The following CALD1 variants were observed in gnomAD, a reference collection of about 807,000 sequenced individuals.
CALD1 encodes the protein caldesmon 1, also known as caldesmon.
Under a neutral mutation model 99.9 loss-of-function variants are expected in CALD1, and 33 were observed. The ratio of observed to expected loss-of-function variants is 0.33; its 90% CI spans 0.25 to 0.44. The LOEUF (loss-of-function observed/expected upper bound fraction) is 0.44. Ranked by LOEUF, CALD1 falls within the 20% of genes least tolerant of loss-of-function variation. The probability of loss-of-function intolerance (pLI) is 1.00; values close to 1 mark genes in which losing one functional copy is unlikely to be tolerated. For synonymous variants in CALD1, 310 were observed against 325.0 expected (o/e 0.95, Z 0.50); for missense variants, 861 against 962.1 (o/e 0.89, Z 1.39).
chr7:134,777,477 T>C (rs1425785158), upstream of CALD1, among the ~76,000 whole-genome samples: 1 of 152,324 alleles, frequency 6.6e-6, no homozygotes, highest in Non-Finnish European at 1.5e-5. Context: ...GTGTTTCCTG[T>C]TGATAATATT....
At chr7:134,712,382 G>C in the CALD1 span, among the ~76,000 whole-genome samples, 1 of 152,116 alleles carries the variant, frequency 6.6e-6, no homozygotes, top group African/African-American at 2.4e-5. Flanking sequence ...GGAGAGATGG[G>C]ACCCGGAAGA....
intron 6 of CALD1, 78 bp from the exon 7 acceptor site, chr7:134,941,014 G>C: frequency 8.1e-7 from 1 of 1,227,484 alleles, no homozygotes; most frequent in Non-Finnish European, 1.1e-6. Flanking sequence ...ACAATTTTGG[G>C]TCTTACTTGA....
the CALD1 span, among the ~76,000 whole-genome samples, chr7:134,711,654 CTCTCTCTATATA>C: frequency 1.6e-4 from 11 of 68,106 alleles, 1 homozygote; most frequent in Non-Finnish European, 2.2e-4. Flanking sequence ...CTCTCTCTCT[CTCTCTCTATATA>C]TATATATATA....
chr7:134,872,105 C>T (rs768043615), intron 3 of CALD1, among the ~76,000 whole-genome samples: 4 of 152,190 alleles, frequency 2.6e-5, no homozygotes, highest in Non-Finnish European at 5.9e-5. Flanking sequence ...CAGTGGCTCA[C>T]GCCTGTAATC....
At chr7:134,770,047 T>C (rs1446475629) in intron 1 of CALD1, among the ~76,000 whole-genome samples, 1 of 152,228 alleles carries the variant, frequency 6.6e-6, no homozygotes, top group Non-Finnish European at 1.5e-5. Flanking sequence ...TATTTCTTGA[T>C]GTAACCAAAT....
chr7:134,857,288 C>G (rs1019914794), intron 2 of CALD1, among the ~76,000 whole-genome samples: 1 of 151,306 alleles, frequency 6.6e-6, no homozygotes, highest in Non-Finnish European at 1.5e-5. Context: ...CCTGCCTCAG[C>G]CTCTCCGAGT....
intron 2 of CALD1, among the ~76,000 whole-genome samples, chr7:134,857,386 C>T (rs970664585): frequency 2.0e-5 from 3 of 151,310 alleles, no homozygotes; most frequent in Admixed American, 6.6e-5. Context: ...CTTGATCTCC[C>T]GGCCTCGTGA....
intron 1 of CALD1, among the ~76,000 whole-genome samples, chr7:134,751,809 C>T (rs538271031): frequency 6.6e-6 from 1 of 152,230 alleles, no homozygotes; most frequent in South Asian, 2.1e-4. Context: ...AACCCTATCT[C>T]TACCAAAAAT....
intron 1 of CALD1, among the ~76,000 whole-genome samples, chr7:134,820,290 C>G (rs955590387): frequency 6.6e-6 from 1 of 152,088 alleles, no homozygotes; most frequent in African/African-American, 2.4e-5. Context: ...TTAAAATTGC[C>G]CCTGGAGACA....
intron 1 of CALD1, among the ~76,000 whole-genome samples, chr7:134,842,935 C>T (rs796092627): frequency 9.9e-5 from 15 of 152,240 alleles, no homozygotes; most frequent in African/African-American, 3.6e-4. Context: ...CCTTGGTTCT[C>T]CTATAGTAAA....
At chr7:134,766,136 CTTTTCTTTTTTTT>C (rs1796824020) in intron 1 of CALD1, among the ~76,000 whole-genome samples, 1 of 91,016 alleles carries the variant, frequency 1.1e-5, no homozygotes, top group Non-Finnish European at 2.3e-5. Context: ...AACCTCTTTT[CTTTTCTTTTTTTT>C]TTTTTTTTTT....
chr7:134,858,096 G>A (rs1161633142), intron 2 of CALD1, among the ~76,000 whole-genome samples: 1 of 149,098 alleles, frequency 6.7e-6, no homozygotes, highest in Non-Finnish European at 1.5e-5. Flanking sequence ...TTTTAGCTGA[G>A]TAGTTCAGCA....
intron 3 of CALD1, among the ~76,000 whole-genome samples, chr7:134,909,683 C>T (rs529497715): frequency 4.6e-4 from 70 of 151,974 alleles, no homozygotes; most frequent in Non-Finnish European, 7.5e-4. Context: ...AAGAGCAAAA[C>T]GCAGTCTCAA....
intron 1 of CALD1, among the ~76,000 whole-genome samples, chr7:134,794,509 CAG>C (rs1478955292): frequency 5.3e-5 from 8 of 152,118 alleles, no homozygotes; most frequent in Admixed American, 3.3e-4. Flanking sequence ...TCAATTGAAA[CAG>C]AGTCTCACTC....
rs748134346 is a variant in CALD1 at position 134,867,749 on chromosome 7, C to T, written c.16C>T (p.Arg6Cys). Residue 6 changes from arginine (R) to cysteine (C), a missense_variant, in exon 3 of 15, where the codon CGT (arginine) becomes TGT (cysteine). Coordinates refer to ENST00000361675, the MANE Select transcript of CALD1 (RefSeq NM_033138.4). ...AAATCACACCATGGATGATTTTGAG[C>T]GTCGCAGAGAACTTAGAAGGCAAAA... is the stretch of plus-strand genomic sequence containing the variant. The part of the protein sequence containing the change: MDDFE[R>C]RRELRRQKRE... 3.7e-6 allele frequency: 6 copies of T among 1,607,520 alleles called. No individual in the cohort carries two copies. Among genetic ancestry groups the T allele is most frequent in the Admixed American group, 1.7e-5 (1 of 59,434 alleles).
intron 1 of CALD1, among the ~76,000 whole-genome samples, chr7:134,787,609 A>C (rs941250187): frequency 3.3e-5 from 5 of 152,196 alleles, no homozygotes; most frequent in African/African-American, 1.2e-4. Flanking sequence ...GGCCCTTTTG[A>C]AAGTATGTGG....
intron 3 of CALD1, among the ~76,000 whole-genome samples, chr7:134,906,780 A>G (rs915398019): frequency 6.6e-6 from 1 of 152,146 alleles, no homozygotes; most frequent in African/African-American, 2.4e-5. Context: ...GGTGATTCCT[A>G]GGGCCTCCTA....
chr7:134,711,635 T>C, the CALD1 span, among the ~76,000 whole-genome samples: 1 of 55,414 alleles, frequency 1.8e-5, no homozygotes, highest in Non-Finnish European at 3.2e-5. Context: ...AGCTTCTCTC[T>C]CTCTCTCTCT....
rs1219180666 is a variant in CALD1 at position 134,876,383 on chromosome 7, C to T, written c.71+8579C>T. 2.0e-5 allele frequency among the ~76,000 whole-genome samples: 3 copies of T among 152,170 alleles called. No homozygotes were observed. In the East Asian group the frequency reaches 5.8e-4, roughly 29 times the overall value. The stretch of plus-strand genomic sequence containing the variant: ...CTGATCTTGCTATATGTAAAAAAGT[C>T]TATGGCTATTGATTAGGAAAATAAA... On this transcript the variant is annotated intron_variant, in intron 3 of 14. Coordinates refer to ENST00000361675, the MANE Select transcript of CALD1 (RefSeq NM_033138.4).
Sources: gnomAD v4.1 joint callset for allele counts (sites outside exome capture counted in the v4.1 genomes callset) on GRCh38, gnomAD v4.1.1 for gene constraint, MANE v1.5 for transcripts, NCBI Gene and HGNC (gene_info 2026-07-23, HGNC 2026-07-21) for gene names.